The following NAALADL2 variants were observed in gnomAD, a reference collection of about 807,000 sequenced individuals.
NAALADL2 encodes the protein inactive N-acetylated-alpha-linked acidic dipeptidase-like protein 2.
In NAALADL2, 76 loss-of-function variants were observed where a neutral mutation model predicts 87.2. The observed-to-expected ratio is 0.87, with a 90% CI of 0.72 to 1.05. The LOEUF (loss-of-function observed/expected upper bound fraction) is 1.05. Among genes scored for constraint, NAALADL2 ranks in the 50% least tolerant of loss-of-function variants. The pLI is 0.00. For missense variants in NAALADL2, 1,089 were observed against 945.8 expected (o/e 1.15, Z -1.99); for synonymous variants, 354 against 331.0 (o/e 1.07, Z -0.75).
chr3:174,633,036 T>C (rs1722296797), intron 2 of NAALADL2, among the ~76,000 whole-genome samples: 1 of 152,102 alleles, frequency 6.6e-6, no homozygotes. Flanking sequence ...TAAATAATTT[T>C]GGTTTTTAAA....
intron 2 of NAALADL2, among the ~76,000 whole-genome samples, chr3:174,614,906 A>G (rs1157749727): frequency 2.0e-5 from 3 of 152,116 alleles, no homozygotes; most frequent in Non-Finnish European, 4.4e-5. Context: ...AGATGGGGAA[A>G]TTTTATACTA....
At chr3:175,571,932 G>A (rs948392507) in intron 9 of NAALADL2, among the ~76,000 whole-genome samples, 8 of 152,288 alleles carry the variant, frequency 5.3e-5, no homozygotes, top group African/African-American at 1.7e-4. Context: ...AGGTTTGAAG[G>A]TAATGTGCTT....
chr3:175,112,678 A>G (rs758915317), intron 2 of NAALADL2: 1 of 151,742 alleles, frequency 6.6e-6, no homozygotes, highest in African/African-American at 2.4e-5. Context: ...GAATTAAAAC[A>G]TATTGAATGC....
intron 11 of NAALADL2, among the ~76,000 whole-genome samples, chr3:175,720,177 G>A (rs960299276): frequency 5.9e-5 from 9 of 152,042 alleles, no homozygotes; most frequent in African/African-American, 1.7e-4. Flanking sequence ...GATCCACTGT[G>A]ATAAGTATAC....
At chr3:174,544,818 C>T (rs1176244242) in intron 1 of NAALADL2, among the ~76,000 whole-genome samples, 1 of 151,972 alleles carries the variant, frequency 6.6e-6, no homozygotes, top group Non-Finnish European at 1.5e-5. Flanking sequence ...ATCTGCCTGC[C>T]TCAGCCTCCG....
chr3:175,403,453 T>C (rs1255206472), intron 5 of NAALADL2, among the ~76,000 whole-genome samples: 1 of 152,108 alleles, frequency 6.6e-6, no homozygotes, highest in Non-Finnish European at 1.5e-5. Context: ...CAGGTGGATA[T>C]GCCAACATAA....
intron 3 of NAALADL2, among the ~76,000 whole-genome samples, chr3:174,818,309 A>G (rs975312048): frequency 1.3e-5 from 2 of 152,106 alleles, no homozygotes; most frequent in African/African-American, 4.8e-5. Flanking sequence ...TTATAAGCCA[A>G]ATTCTAAACC....
At chr3:175,734,197 G>A (rs959324218) in intron 11 of NAALADL2, among the ~76,000 whole-genome samples, 1 of 152,166 alleles carries the variant, frequency 6.6e-6, no homozygotes, top group Admixed American at 6.6e-5. Flanking sequence ...TCTCCATGAT[G>A]GCCTCGCCCC....
At chr3:175,081,404 A>C (rs539825575) in intron 1 of NAALADL2, among the ~76,000 whole-genome samples, 1 of 152,304 alleles carries the variant, frequency 6.6e-6, no homozygotes, top group African/African-American at 2.4e-5. Context: ...GGGGTAATCC[A>C]GTTATCCTGC....
intron 1 of NAALADL2, among the ~76,000 whole-genome samples, chr3:174,882,778 TAC>T (rs1560319507): frequency 1.5e-5 from 2 of 129,420 alleles, no homozygotes; most frequent in African/African-American, 2.9e-5. Context: ...CGTGTATATA[TAC>T]ATATGTGTAT....
intron 3 of NAALADL2, among the ~76,000 whole-genome samples, chr3:174,817,031 G>T (rs907014520): frequency 7.9e-5 from 12 of 152,142 alleles, no homozygotes; most frequent in Admixed American, 5.2e-4. Flanking sequence ...CAACAGGCAG[G>T]AACTTAAAGC....
chr3:175,350,953 A>G (rs1257200738), intron 5 of NAALADL2, among the ~76,000 whole-genome samples: 1 of 152,190 alleles, frequency 6.6e-6, no homozygotes, highest in Non-Finnish European at 1.5e-5. Flanking sequence ...TTTTCATTAA[A>G]AACAGAAATA....
intron 1 of NAALADL2, among the ~76,000 whole-genome samples, chr3:174,446,524 T>TA (rs1256884415): frequency 6.6e-6 from 1 of 152,208 alleles, no homozygotes; most frequent in Non-Finnish European, 1.5e-5. Flanking sequence ...TCATTGGTGA[T>TA]AAAGTCACTT....
chr3:174,913,431 T>C (rs1733966320), intron 1 of NAALADL2, among the ~76,000 whole-genome samples: 1 of 152,108 alleles, frequency 6.6e-6, no homozygotes, highest in Non-Finnish European at 1.5e-5. Context: ...TAATTTGTCT[T>C]TTGTTGCTGC....
At chr3:175,181,805 A>ATG (rs1736601845) in intron 2 of NAALADL2, among the ~76,000 whole-genome samples, 1 of 148,232 alleles carries the variant, frequency 6.7e-6, no homozygotes, top group African/African-American at 2.5e-5. Flanking sequence ...GTGTATATAT[A>ATG]TGTATATATA....
intron 2 of NAALADL2, among the ~76,000 whole-genome samples, chr3:175,211,812 A>T (rs998195523): frequency 6.6e-6 from 1 of 152,036 alleles, no homozygotes; most frequent in Non-Finnish European, 1.5e-5. Context: ...AAATGCTCTT[A>T]AATTTTCTTG....
At chr3:175,195,620 C>A (rs1738870595) in intron 2 of NAALADL2, among the ~76,000 whole-genome samples, 1 of 151,684 alleles carries the variant, frequency 6.6e-6, no homozygotes, top group African/African-American at 2.4e-5. Flanking sequence ...ATGATGAATG[C>A]AAAGAGGTAA....
intron 1 of NAALADL2, among the ~76,000 whole-genome samples, chr3:174,860,915 A>G (rs1726409029): frequency 6.6e-6 from 1 of 152,026 alleles, no homozygotes; most frequent in Non-Finnish European, 1.5e-5. Flanking sequence ...TCCCCTATCC[A>G]TATATATGTA....
In NAALADL2 at chr3:174,522,206, A is replaced by G. The variant is rs1438771531; in HGVS notation, c.-183-28363A>G. Among the ~76,000 whole-genome samples, 12 of 152,364 alleles carry G rather than the reference A, an allele frequency of 7.9e-5. No homozygotes were observed. In the East Asian group the frequency reaches 2.3e-3, roughly 29 times the overall value. ...TCCTCTGCTTTGTTCTGGTATTAAC[A>G]TAGCCAAAAATTGAATTGACTTGCA... On this transcript the variant is annotated intron_variant, in intron 1 of 3. Coordinates refer to the NAALADL2 transcript ENST00000434257.
Sources: allele counts gnomAD v4.1 joint callset (sites outside exome capture counted in the v4.1 genomes callset), GRCh38; gene constraint gnomAD v4.1.1; transcripts MANE v1.5; gene names NCBI Gene and HGNC (gene_info 2026-07-23, HGNC 2026-07-21).